The following RARB variants were observed in gnomAD, a reference collection of about 807,000 sequenced individuals.
RARB encodes the protein retinoic acid receptor beta.
Under a neutral mutation model 51.9 loss-of-function variants are expected in RARB, and 17 were observed. The observed-to-expected ratio is 0.33, with a 90% confidence interval of 0.22 to 0.49. The LOEUF is 0.49. Among genes scored for constraint, RARB ranks in the 20% least tolerant of loss-of-function variants. The pLI, the probability that RARB is intolerant of heterozygous loss-of-function variation, is 0.99. For missense variants in RARB, 369 were observed against 550.8 expected (o/e 0.67, Z 3.30); for synonymous variants, 215 against 195.4 (o/e 1.10, Z -0.84).
intron 5 of RARB, among the ~76,000 whole-genome samples, chr3:25,255,553 GA>G (rs1702844027): frequency 6.6e-6 from 1 of 152,146 alleles, no homozygotes; most frequent in African/African-American, 2.4e-5. Context: ...CACTGTAAGT[GA>G]AAAAATAAAA....
chr3:25,331,397 A>G (rs1273686348), intron 5 of RARB, among the ~76,000 whole-genome samples: 1 of 152,246 alleles, frequency 6.6e-6, no homozygotes, highest in African/African-American at 2.4e-5. Flanking sequence ...AACTACATGG[A>G]AACTGAACAA....
intron 2 of RARB, among the ~76,000 whole-genome samples, chr3:24,875,873 T>G (rs1703033252): frequency 6.6e-6 from 1 of 152,108 alleles, no homozygotes; most frequent in Non-Finnish European, 1.5e-5. Context: ...TTTTATAGTT[T>G]TCTATCATCT....
chr3:25,080,802 A>C (rs1279808098), intron 3 of RARB, among the ~76,000 whole-genome samples: 1 of 152,148 alleles, frequency 6.6e-6, no homozygotes, highest in African/African-American at 2.4e-5. Context: ...TAGGTATTAA[A>C]GCCTTATCAG....
At chr3:25,217,849 A>G (rs867105566) in intron 5 of RARB, among the ~76,000 whole-genome samples, 2 of 152,164 alleles carry the variant, frequency 1.3e-5, no homozygotes, top group South Asian at 2.1e-4. Flanking sequence ...ACCAAACCCT[A>G]AAGGCAATGA....
intron 5 of RARB, among the ~76,000 whole-genome samples, chr3:25,226,751 C>A (rs75303940): frequency 6.6e-6 from 1 of 152,120 alleles, no homozygotes; most frequent in Non-Finnish European, 1.5e-5. Context: ...TCCTATCAGG[C>A]TGCTCTGTGA....
intron 2 of RARB, among the ~76,000 whole-genome samples, chr3:25,495,635 C>A (rs1696986301): frequency 3.3e-5 from 5 of 152,114 alleles, no homozygotes; most frequent in Admixed American, 3.3e-4. Context: ...TACCTCAGTT[C>A]TTTGGTAACA....
intron 2 of RARB, among the ~76,000 whole-genome samples, chr3:25,493,158 C>G (rs1696830566): frequency 6.6e-6 from 1 of 152,062 alleles, no homozygotes; most frequent in Admixed American, 6.6e-5. Context: ...GCCCACCCTC[C>G]CTGCCTAGAA....
chr3:25,441,364 A>G (rs559403570), intron 1 of RARB: 47 of 281,776 alleles, frequency 1.7e-4, no homozygotes, highest in Non-Finnish European at 2.7e-4. Context: ...AGTTCACTGG[A>G]CTTCGTATAA....
At chr3:25,335,795 T>G (rs1327254394) in intron 5 of RARB, among the ~76,000 whole-genome samples, 1 of 152,226 alleles carries the variant, frequency 6.6e-6, no homozygotes, top group Non-Finnish European at 1.5e-5. Context: ...CTATATTCTC[T>G]TCTTGTACTG....
chr3:24,920,450 T>C (rs1231378901), intron 2 of RARB, among the ~76,000 whole-genome samples: 1 of 152,214 alleles, frequency 6.6e-6, no homozygotes, highest in Non-Finnish European at 1.5e-5. Flanking sequence ...TCATCTCCAA[T>C]TTTCCAGATC....
At chr3:25,278,488 A>T (rs1703445235) in intron 5 of RARB, among the ~76,000 whole-genome samples, 1 of 152,214 alleles carries the variant, frequency 6.6e-6, no homozygotes, top group African/African-American at 2.4e-5. Context: ...ACTCTAGGTC[A>T]AGGTACATAG....
chr3:25,395,317 C>T (rs564617573), intron 5 of RARB, among the ~76,000 whole-genome samples: 11 of 152,302 alleles, frequency 7.2e-5, no homozygotes, highest in African/African-American at 2.4e-4. Context: ...GCTTTTGCCT[C>T]ACAGCTCTTG....
At chr3:25,527,514 C>T (rs1041385048) in intron 3 of RARB, among the ~76,000 whole-genome samples, 2 of 152,170 alleles carry the variant, frequency 1.3e-5, no homozygotes, top group Non-Finnish European at 2.9e-5. Flanking sequence ...AATTCCATCT[C>T]CAAATTGTCT....
At chr3:24,957,386 T>C (rs987389184) in intron 2 of RARB, among the ~76,000 whole-genome samples, 3 of 152,004 alleles carry the variant, frequency 2.0e-5, no homozygotes, top group African/African-American at 7.3e-5. Flanking sequence ...TATTGAGGGG[T>C]CTTACTTGGA....
chr3:25,065,575 C>G (rs914311451), intron 3 of RARB, among the ~76,000 whole-genome samples: 3 of 152,192 alleles, frequency 2.0e-5, no homozygotes, highest in Non-Finnish European at 4.4e-5. Context: ...TCTAAAAACA[C>G]TGACCAAGAT....
intron 2 of RARB, among the ~76,000 whole-genome samples, chr3:24,938,465 G>A (rs143558239): frequency 2.0e-4 from 31 of 152,058 alleles, no homozygotes; most frequent in East Asian, 1.7e-3. Flanking sequence ...TCTGTTTCTC[G>A]TTAATTAAAA....
intron 4 of RARB, among the ~76,000 whole-genome samples, chr3:25,159,154 CTTTTTTTTTTT>C (rs397874262): frequency 4.4e-4 from 29 of 65,302 alleles, no homozygotes; most frequent in Admixed American, 2.4e-3. Flanking sequence ...TCCAAATTGT[CTTTTTTTTTTT>C]TTTTTTTTTT....
chr3:24,929,916 T>C (rs1045778064), intron 2 of RARB, among the ~76,000 whole-genome samples: 2 of 152,150 alleles, frequency 1.3e-5, no homozygotes, highest in Admixed American at 6.6e-5. Context: ...ATGTGTATCT[T>C]GTTTTACCTA....
chr3:25,194,221 G>A (rs1701175300), intron 5 of RARB, among the ~76,000 whole-genome samples: 4 of 136,744 alleles, frequency 2.9e-5, no homozygotes, highest in Admixed American at 2.3e-4. Context: ...GAAACAAAGA[G>A]TAGAATGGTG....
Sources: allele counts gnomAD v4.1 joint callset (sites outside exome capture counted in the v4.1 genomes callset), GRCh38; gene constraint gnomAD v4.1.1; transcripts MANE v1.5; gene names NCBI Gene and HGNC (gene_info 2026-07-23, HGNC 2026-07-21).